The following DMD variants were observed in gnomAD, a reference collection of about 807,000 sequenced individuals.
DMD encodes mutant dystrophin.
DMD carries 63 observed loss-of-function variants against 330.1 expected under a neutral mutation model. That is an observed-to-expected ratio of 0.19 (90% confidence interval 0.16 to 0.24). The LOEUF is 0.24. DMD is among the 10% of genes least tolerant of loss of function. The pLI is 1.00. For synonymous variants in DMD, 1,223 were observed against 959.8 expected, an observed-to-expected ratio of 1.27 and a Z score of -5.07; for missense variants, 3,344 against 2,684.1, an observed-to-expected ratio of 1.25 and a Z score of -5.43.
intron 43 of DMD, among the ~76,000 whole-genome samples, chrX:32,245,034 C>A (rs1377329690): frequency 1.5e-5 from 1 of 68,433 alleles, no homozygotes; most frequent in Non-Finnish European, 2.6e-5. Flanking sequence ...GAAGTCCTTG[C>A]CCATGCCTAT....
intron 62 of DMD, among the ~76,000 whole-genome samples, chrX:31,283,441 A>G (rs775192716): frequency 1.8e-5 from 2 of 111,818 alleles, no homozygotes; most frequent in Non-Finnish European, 3.8e-5. Context: ...TTTTAAAAAT[A>G]TATTTTCAGG....
At chrX:33,246,246 T>A (rs1279758939) in intron 1 of DMD, among the ~76,000 whole-genome samples, 1 of 112,030 alleles carries the variant, frequency 8.9e-6, no homozygotes, top group Non-Finnish European at 1.9e-5. Flanking sequence ...GCATTTAGTC[T>A]AATCTGGCCA....
At chrX:33,092,430 T>C (rs2095097789) in intron 1 of DMD, among the ~76,000 whole-genome samples, 1 of 111,982 alleles carries the variant, frequency 8.9e-6, no homozygotes, top group Admixed American at 9.6e-5. Flanking sequence ...AATTGGTCTA[T>C]ATACACTAAA....
intron 7 of DMD, among the ~76,000 whole-genome samples, chrX:32,808,617 G>C (rs1402801877): frequency 1.8e-5 from 2 of 111,280 alleles, no homozygotes; most frequent in Non-Finnish European, 3.8e-5. Context: ...CATCCATATT[G>C]AAAGATCTCC....
chrX:31,387,649 C>T (rs2060507484), intron 60 of DMD, among the ~76,000 whole-genome samples: 1 of 111,987 alleles, frequency 8.9e-6, no homozygotes. Context: ...ATCCACCCGC[C>T]TTGGCCTCCA....
At chrX:32,869,593 A>G (rs1313018246) in intron 2 of DMD, among the ~76,000 whole-genome samples, 3 of 109,213 alleles carry the variant, frequency 2.7e-5, no homozygotes, top group African/African-American at 1.0e-4. Flanking sequence ...CAAGAACTTC[A>G]CAATGCTACC....
chrX:31,407,931 A>T (rs1003870783), intron 60 of DMD, among the ~76,000 whole-genome samples: 13 of 111,795 alleles, frequency 1.2e-4, no homozygotes, highest in African/African-American at 3.9e-4. Flanking sequence ...TAACCAGAAG[A>T]CAGACCCAAT....
chrX:31,606,254 T>C (rs756815020), intron 55 of DMD, among the ~76,000 whole-genome samples: 3 of 112,052 alleles, frequency 2.7e-5, no homozygotes, highest in South Asian at 7.5e-4. Flanking sequence ...TAAACCTCTT[T>C]CCTTTAGAAA....
intron 2 of DMD, among the ~76,000 whole-genome samples, chrX:32,986,704 T>C (rs1167951802): frequency 8.9e-6 from 1 of 112,396 alleles, no homozygotes; most frequent in Non-Finnish European, 1.9e-5. Context: ...GCAATGGATA[T>C]CTGTGAAGCA....
rs1487989151 is a variant in DMD, at chrX:32,371,301, C to A, written c.4846-6102G>T. Among the ~76,000 whole-genome samples the A allele has an allele frequency of 4.2e-4, 47 of 111,075 alleles. No individual in the cohort carries two copies. The Admixed American group carries it at 4.5e-3, about 11-fold the overall frequency. ...ACATAGATTATTCTGCATTTAACAC[C>A]TTCAGTTAAATTTATTAATACCATT... On this transcript the variant is annotated intron_variant, in intron 34 of 78. Transcript: ENST00000357033.
chrX:33,216,948 G>A (rs1359142513), intron 1 of DMD, among the ~76,000 whole-genome samples: 1 of 111,369 alleles, frequency 9.0e-6, no homozygotes, highest in Non-Finnish European at 1.9e-5. Flanking sequence ...GAAGTGCAGG[G>A]TCATTTTCCC....
rs139996752 is a variant in DMD, at chrX:32,357,120, G to A, written c.5325+5668C>T. 3.1e-3 allele frequency among the ~76,000 whole-genome samples: 346 copies of A among 111,654 alleles called. 2 individuals are homozygous for A. The highest frequency in any genetic ancestry group is 5.6e-3 in the African/African-American group (171 of 30,642). ...GCCAGGTTGATCTTCAACTCCTGAC[G>A]TCAGGTGATCTGCCTGCAGCGGCCT... On this transcript the variant is annotated intron_variant, in intron 37 of 78. Coordinates refer to ENST00000357033, the MANE Select transcript of DMD (RefSeq NM_004006.3).
chrX:31,318,075 C>T (rs1248070397), intron 62 of DMD, among the ~76,000 whole-genome samples: 1 of 111,919 alleles, frequency 8.9e-6, no homozygotes, highest in Non-Finnish European at 1.9e-5. Flanking sequence ...GGGGCTAGAA[C>T]AAGAATGAGA....
At chrX:31,655,692 T>G (rs910628803) in intron 54 of DMD, among the ~76,000 whole-genome samples, 1 of 110,566 alleles carries the variant, frequency 9.0e-6, no homozygotes, top group Non-Finnish European at 1.9e-5. Context: ...AAGGACAAGT[T>G]TGGCCCCATT....
intron 16 of DMD, among the ~76,000 whole-genome samples, chrX:32,554,747 G>A (rs1364903094): frequency 2.2e-5 from 2 of 92,397 alleles, no homozygotes; most frequent in African/African-American, 7.8e-5. Flanking sequence ...GAAAAGAAGG[G>A]ATTTCTCCCA....
chrX:31,172,656 C>G, intron 72 of DMD, among the ~76,000 whole-genome samples: 1 of 111,659 alleles, frequency 9.0e-6, no homozygotes, highest in Middle Eastern at 4.7e-3. Context: ...CTGTTTTCCC[C>G]CTACAGATCA....
chrX:31,328,457 C>G (rs1472291503), intron 61 of DMD, among the ~76,000 whole-genome samples: 1 of 111,016 alleles, frequency 9.0e-6, no homozygotes, highest in Non-Finnish European at 1.9e-5. Flanking sequence ...TCCTCTCACA[C>G]TCTCCTCTTC....
Position 32,472,190 on chromosome X carries a change from T to G in DMD, c.2923A>C (p.Met975Leu). ...PQLSVTDYEIMEQRLGELQAL... is the reference protein window; with the variant it reads ...PQLSVTDYEILEQRLGELQAL... Reference sequence around the variant, plus strand: ...TGCAATTCCCCGAGTCTCTGCTCCATGATTTCATAGTCGGTGACACTAAGT... The same window carrying G: ...TGCAATTCCCCGAGTCTCTGCTCCAGGATTTCATAGTCGGTGACACTAAGT... Residue 975 changes from methionine (M) to leucine (L), a missense_variant, in exon 22 of 79, where the codon ATG becomes CTG. By Grantham distance (15) the Met-to-Leu change is conservative. Coordinates refer to ENST00000357033, the MANE Select transcript of DMD (RefSeq NM_004006.3). 8.3e-7 allele frequency: 1 copy of G among 1,211,673 alleles called. No homozygotes were observed. The highest frequency in any genetic ancestry group is 1.1e-6 in the Non-Finnish European group (1 of 895,309).
At chrX:32,667,977 T>G in intron 9 of DMD, among the ~76,000 whole-genome samples, 1 of 92,339 alleles carries the variant, frequency 1.1e-5, no homozygotes, top group Non-Finnish European at 1.9e-5. Context: ...TTGTCACTAT[T>G]TAAAAAAAAA....
Sources: allele counts gnomAD v4.1 joint callset (sites outside exome capture counted in the v4.1 genomes callset), GRCh38; gene constraint gnomAD v4.1.1; transcripts MANE v1.5; gene names NCBI Gene and HGNC (gene_info 2026-07-23, HGNC 2026-07-21).